Variants in HIVEP3 observed in about 807,000 individuals in gnomAD.
The protein encoded by HIVEP3 is transcription factor HIVEP3.
In HIVEP3, 49 loss-of-function variants were observed where a neutral mutation model predicts 152.8. That is an observed-to-expected ratio of 0.32 (90% CI 0.26 to 0.41). HIVEP3 has a LOEUF of 0.41. HIVEP3 is among the 10% of genes least tolerant of loss of function. The pLI is 1.00. For missense variants in HIVEP3, 2,790 were observed against 3,103.3 expected (o/e 0.90, Z 2.40); for synonymous variants, 1,269 against 1,289.0 (o/e 0.98, Z 0.33).
intron 1 of HIVEP3, among the ~76,000 whole-genome samples, chr1:41,726,112 A>G (rs1296210751): frequency 6.6e-6 from 1 of 152,198 alleles, no homozygotes; most frequent in Non-Finnish European, 1.5e-5. Flanking sequence ...TATATTAACT[A>G]AATATTAATT....
intron 3 of HIVEP3, among the ~76,000 whole-genome samples, chr1:41,623,734 C>T (rs938949288): frequency 1.3e-5 from 2 of 152,218 alleles, no homozygotes; most frequent in African/African-American, 4.8e-5. Flanking sequence ...TGACATCCAA[C>T]CCCACGCCGG....
At chr1:41,563,943 C>T (rs1418703264) in intron 5 of HIVEP3, among the ~76,000 whole-genome samples, 1 of 152,152 alleles carries the variant, frequency 6.6e-6, no homozygotes, top group African/African-American at 2.4e-5. Context: ...AAATCAAAAA[C>T]TCCACCTTGG....
At chr1:41,809,265 C>G (rs1464057688) in intron 1 of HIVEP3, among the ~76,000 whole-genome samples, 3 of 152,182 alleles carry the variant, frequency 2.0e-5, no homozygotes, top group Non-Finnish European at 4.4e-5. Flanking sequence ...GGTTAATAAC[C>G]CTTCATTGTT....
At position 41,976,004 on chromosome 1, in the gene HIVEP3, C is replaced by T. The variant is rs116829858; in HGVS notation, n.120-57480G>A. The stretch of plus-strand genomic sequence containing the variant: ...TTCTCAGCCCTGAATGTGAACAGCA[C>T]GTACCAAACTCAGAAATTCATCTCA... On this transcript the variant is annotated intron_variant and non_coding_transcript_variant, in intron 1 of 3. Transcript: ENST00000489103. 4.9e-3 allele frequency among the ~76,000 whole-genome samples: 743 copies of T among 152,310 alleles called. 6 individuals are homozygous for T. Among genetic ancestry groups the T allele is most frequent in the African/African-American group, 0.017 (697 of 41,558 alleles).
chr1:41,658,927 G>C (rs1645670547), intron 2 of HIVEP3, among the ~76,000 whole-genome samples: 1 of 152,158 alleles, frequency 6.6e-6, no homozygotes, highest in Admixed American at 6.5e-5. Flanking sequence ...AGCTAAGAGG[G>C]TCCTTAGAAG....
chr1:41,853,237 A>G (rs1327664669), intron 1 of HIVEP3, among the ~76,000 whole-genome samples: 3 of 152,332 alleles, frequency 2.0e-5, no homozygotes, highest in Non-Finnish European at 1.5e-5. Flanking sequence ...TTCTTGAATC[A>G]GGAAAGTTTC....
intron 1 of HIVEP3, among the ~76,000 whole-genome samples, chr1:41,785,390 T>G (rs1478044302): frequency 6.6e-6 from 1 of 152,146 alleles, no homozygotes; most frequent in African/African-American, 2.4e-5. Flanking sequence ...ATAAATCCAC[T>G]TACAGGGATT....
chr1:41,863,696 T>C (rs190818220), intron 1 of HIVEP3, among the ~76,000 whole-genome samples: 1 of 152,356 alleles, frequency 6.6e-6, no homozygotes, highest in Admixed American at 6.5e-5. Flanking sequence ...ACATAAGATC[T>C]GTACATTTCA....
intron 2 of HIVEP3, among the ~76,000 whole-genome samples, chr1:41,654,364 T>C (rs538495504): frequency 1.3e-5 from 2 of 152,328 alleles, no homozygotes; most frequent in East Asian, 3.9e-4. Context: ...GGATGACCAG[T>C]AACAGAGATT....
intron 1 of HIVEP3, among the ~76,000 whole-genome samples, chr1:41,735,731 C>T (rs1327397489): frequency 2.6e-5 from 4 of 152,134 alleles, no homozygotes; most frequent in Non-Finnish European, 5.9e-5. Context: ...CCATGACAGG[C>T]GGATGGAGGA....
At chr1:41,916,952 C>T (rs895205934) in intron 1 of HIVEP3, among the ~76,000 whole-genome samples, 3 of 152,148 alleles carry the variant, frequency 2.0e-5, no homozygotes, top group African/African-American at 7.2e-5. Context: ...TAAGCAATTA[C>T]TGGCTGAAAG....
At chr1:41,944,275 G>A (rs938331232) in intron 1 of HIVEP3, among the ~76,000 whole-genome samples, 2 of 152,182 alleles carry the variant, frequency 1.3e-5, no homozygotes, top group Non-Finnish European at 2.9e-5. Flanking sequence ...GGTAAATTTT[G>A]TTATGTGTAT....
At chr1:41,598,635 C>T (rs986868935) in intron 3 of HIVEP3, among the ~76,000 whole-genome samples, 6 of 152,150 alleles carry the variant, frequency 3.9e-5, no homozygotes, top group Non-Finnish European at 7.4e-5. Context: ...GCAAGTACTA[C>T]GTGGGCCTTC....
intron 3 of HIVEP3, among the ~76,000 whole-genome samples, chr1:41,613,332 G>T (rs1328885996): frequency 1.3e-5 from 2 of 152,206 alleles, no homozygotes; most frequent in Non-Finnish European, 2.9e-5. Context: ...ACTTTGGAAC[G>T]CGTGGGGCGG....
intron 1 of HIVEP3, among the ~76,000 whole-genome samples, chr1:41,704,398 G>A (rs541770826): frequency 6.6e-6 from 1 of 152,334 alleles, no homozygotes; most frequent in South Asian, 2.1e-4. Context: ...CTTAGGAAAT[G>A]GGCTCCTGGG....
Position 41,590,188 on chromosome 1 carries a change from A to G in HIVEP3, c.-521-4870T>C, listed in dbSNP as rs774746090. On this transcript the variant is annotated intron_variant, in intron 3 of 8. Transcript: ENST00000372583. ...CATATGGGTCTGGAGACTAACAGGG[A>G]TTGGTAGTCAAAGAGTCACAGAAGG... 3.4e-4 allele frequency among the ~76,000 whole-genome samples: 51 copies of G among 152,218 alleles called. 1 individual carries two copies. Among genetic ancestry groups the G allele is most frequent in the South Asian group, 2.1e-4 (1 of 4,820 alleles).
At chr1:41,553,691 C>A (rs181035533) in intron 5 of HIVEP3, among the ~76,000 whole-genome samples, 45 of 152,186 alleles carry the variant, frequency 3.0e-4, no homozygotes, top group Middle Eastern at 6.8e-3. Context: ...GTAAGGCAGT[C>A]CTGGTGGTGA....
intron 1 of HIVEP3, among the ~76,000 whole-genome samples, chr1:41,817,681 TGG>T (rs1170768260): frequency 6.6e-6 from 1 of 152,166 alleles, no homozygotes; most frequent in Non-Finnish European, 1.5e-5. Context: ...CTTGCTAAGG[TGG>T]ACGAGGAGAA....
At chr1:41,708,212 C>A (rs1357008022) in intron 1 of HIVEP3, among the ~76,000 whole-genome samples, 1 of 152,186 alleles carries the variant, frequency 6.6e-6, no homozygotes, top group African/African-American at 2.4e-5. Context: ...TGACCAGCCC[C>A]ATGCAGTTGA....
Sources: allele counts gnomAD v4.1 joint callset (sites outside exome capture counted in the v4.1 genomes callset), GRCh38; gene constraint gnomAD v4.1.1; transcripts MANE v1.5; gene names NCBI Gene and HGNC (gene_info 2026-07-23, HGNC 2026-07-21).